Variants in DCDC2 observed in about 807,000 individuals in gnomAD.
DCDC2 encodes the protein doublecortin domain containing 2.
In DCDC2, 40 loss-of-function variants were observed where a neutral mutation model predicts 50.2. The observed-to-expected ratio is 0.80, with a 90% CI of 0.62 to 1.04. The LOEUF is 1.04. Ranked by LOEUF, DCDC2 falls within the 50% of genes least tolerant of loss-of-function variation. The probability of loss-of-function intolerance (pLI) is 0.00; values close to 1 mark genes in which losing one functional copy is unlikely to be tolerated. For synonymous variants in DCDC2, 234 were observed against 210.6 expected, an observed-to-expected ratio of 1.11 and a Z score of -0.96; for missense variants, 570 against 581.9, an observed-to-expected ratio of 0.98 and a Z score of 0.21.
At chr6:24,242,454 T>C (rs1265886253) in intron 7 of DCDC2, among the ~76,000 whole-genome samples, 1 of 152,114 alleles carries the variant, frequency 6.6e-6, no homozygotes, top group Non-Finnish European at 1.5e-5. Flanking sequence ...TGGAGAAGGT[T>C]TATTTCAGCA....
intron 7 of DCDC2, among the ~76,000 whole-genome samples, chr6:24,274,324 GT>G (rs1386498115): frequency 1.2e-4 from 19 of 152,252 alleles, no homozygotes; most frequent in African/African-American, 4.3e-4. Flanking sequence ...CATCGTTACT[GT>G]TTTGGTCATA....
chr6:24,186,256 T>C (rs561747668), intron 8 of DCDC2, among the ~76,000 whole-genome samples: 60 of 152,384 alleles, frequency 3.9e-4, no homozygotes, highest in African/African-American at 1.4e-3. Flanking sequence ...GTTATGGATG[T>C]AATATGTAAT....
chr6:24,288,778 T>C lies in DCDC2; in HGVS notation c.759+74A>G, dbSNP rs1452074595. Reference sequence around the variant, plus strand: ...TAAGTTTTATCTCTTGGAACTTAATTGAAGCCCAAAGGACAGTCTCTTTGT... The same window carrying C: ...TAAGTTTTATCTCTTGGAACTTAATCGAAGCCCAAAGGACAGTCTCTTTGT... On this transcript the variant is annotated intron_variant, in intron 6 of 9. Coordinates refer to ENST00000378454, the MANE Select transcript of DCDC2 (RefSeq NM_016356.5). 2.9e-6 allele frequency: 4 copies of C among 1,399,496 alleles called. No individual in the cohort carries two copies. In the East Asian group the frequency reaches 6.9e-5, roughly 24 times the overall value. 86.7% of individuals were successfully genotyped at this position (1,399,496 alleles called of 1,614,324 possible).
At chr6:24,217,264 T>C (rs1219606254) in intron 7 of DCDC2, among the ~76,000 whole-genome samples, 1 of 152,134 alleles carries the variant, frequency 6.6e-6, no homozygotes, top group Non-Finnish European at 1.5e-5. Context: ...TATATAAATA[T>C]ATACTTAAAG....
chr6:24,372,375 C>T, the DCDC2 span, among the ~76,000 whole-genome samples: 1 of 151,446 alleles, frequency 6.6e-6, no homozygotes. Context: ...GCCGAGATGG[C>T]GCCACTGCAC....
At chr6:24,381,820 A>AAGGG in the DCDC2 span, among the ~76,000 whole-genome samples, 2 of 125,066 alleles carry the variant, frequency 1.6e-5, no homozygotes, top group Non-Finnish European at 3.4e-5. Flanking sequence ...GGAAGGAAGG[A>AAGGG]AGGAAGGAAG....
intron 2 of DCDC2, among the ~76,000 whole-genome samples, chr6:24,342,815 C>T (rs755696360): frequency 4.6e-5 from 7 of 152,116 alleles, no homozygotes; most frequent in Non-Finnish European, 8.8e-5. Flanking sequence ...TTACCACATT[C>T]TTTGTAAGTA....
intron 5 of DCDC2, among the ~76,000 whole-genome samples, chr6:24,289,373 C>A (rs190670730): frequency 6.6e-6 from 1 of 152,162 alleles, no homozygotes; most frequent in Admixed American, 6.5e-5. Flanking sequence ...GTCGTCCTCA[C>A]CAAAAAGTTA....
chr6:24,291,995 CT>C (rs964085939), intron 4 of DCDC2, among the ~76,000 whole-genome samples: 9 of 150,870 alleles, frequency 6.0e-5, no homozygotes, highest in East Asian at 3.9e-4. Context: ...GTGCTTCTTT[CT>C]TTTTTTTTGC....
chr6:24,200,941 T>C (rs908607585), intron 8 of DCDC2, among the ~76,000 whole-genome samples: 2 of 151,998 alleles, frequency 1.3e-5, no homozygotes, highest in African/African-American at 4.8e-5. Flanking sequence ...AAGGGATCAA[T>C]TCAACAAGAA....
chr6:24,175,878 G>T (rs1760898138), intron 9 of DCDC2, among the ~76,000 whole-genome samples: 1 of 151,928 alleles, frequency 6.6e-6, no homozygotes, highest in South Asian at 2.1e-4. Flanking sequence ...ATATATTTCG[G>T]TATGCTTAAA....
chr6:24,195,669 C>T (rs1172432880), intron 8 of DCDC2, among the ~76,000 whole-genome samples: 2 of 152,112 alleles, frequency 1.3e-5, no homozygotes, highest in Non-Finnish European at 2.9e-5. Context: ...CTTCTAGATG[C>T]CCATAGCACT....
chr6:24,377,897 G>A, the DCDC2 span, among the ~76,000 whole-genome samples: 1 of 152,248 alleles, frequency 6.6e-6, no homozygotes, highest in Admixed American at 6.5e-5. Flanking sequence ...GCTGAGGCAG[G>A]AGAATTGCTT....
intron 2 of DCDC2, among the ~76,000 whole-genome samples, chr6:24,317,816 C>T (rs1046847811): frequency 1.3e-5 from 2 of 150,890 alleles, no homozygotes; most frequent in Non-Finnish European, 3.0e-5. Flanking sequence ...ACTCTTTATA[C>T]TCTGATAGAA....
chr6:24,174,629 A>G lies in DCDC2; in HGVS notation c.*101T>C, dbSNP rs1446086721. 2 of 763,564 alleles carry G rather than the reference A, an allele frequency of 2.6e-6. No homozygotes were observed. The highest frequency in any genetic ancestry group is 2.2e-5 in the Admixed American group (1 of 46,446). The allele number at this position is 763,564 out of a possible 1,614,324, so 47.3% of individuals were successfully genotyped here. On this transcript the variant is annotated 3_prime_UTR_variant, in exon 10 of 10. Transcript: ENST00000378454. The stretch of plus-strand genomic sequence containing the variant: ...TATAATTCGTAGGTAGTATTCGACC[A>G]TAGTGTCACATTATATTCAGCAATA...
At chr6:24,353,259 G>C (rs770183180) in intron 2 of DCDC2, 5 of 482,572 alleles carry the variant, frequency 1.0e-5, no homozygotes, top group Non-Finnish European at 1.7e-5. Flanking sequence ...ATTTAACAAC[G>C]CTCAGAATCT....
At chr6:24,244,411 T>C (rs910274347) in intron 7 of DCDC2, among the ~76,000 whole-genome samples, 2 of 152,168 alleles carry the variant, frequency 1.3e-5, no homozygotes, top group African/African-American at 4.8e-5. Context: ...CAAAATTACC[T>C]GAGATGGGTA....
intron 2 of DCDC2, among the ~76,000 whole-genome samples, chr6:24,331,798 A>T (rs1759969824): frequency 6.6e-6 from 1 of 152,192 alleles, no homozygotes; most frequent in Admixed American, 6.6e-5. Context: ...TAGCTTCTTC[A>T]TATTCTTTTT....
chr6:24,323,193 A>C (rs1759801919), intron 2 of DCDC2, among the ~76,000 whole-genome samples: 1 of 152,212 alleles, frequency 6.6e-6, no homozygotes, highest in Non-Finnish European at 1.5e-5. Context: ...CTCCAGAGCA[A>C]GACTCCACCT....
Sources: allele counts gnomAD v4.1 joint callset (sites outside exome capture counted in the v4.1 genomes callset), GRCh38; gene constraint gnomAD v4.1.1; transcripts MANE v1.5; gene names NCBI Gene and HGNC (gene_info 2026-07-23, HGNC 2026-07-21).